The following TBXAS1 variants were observed in gnomAD, a reference collection of about 807,000 sequenced individuals.
TBXAS1 encodes the protein thromboxane-A synthase.
A neutral mutation model predicts 60.7 loss-of-function variants in TBXAS1; 48 were observed. That is an observed-to-expected ratio of 0.79 (90% confidence interval 0.63 to 1.01). The LOEUF (loss-of-function observed/expected upper bound fraction) is 1.01, where lower values mean the gene tolerates loss of function less well. Ranked by LOEUF, TBXAS1 falls within the 50% of genes least tolerant of loss-of-function variation. The probability of loss-of-function intolerance (pLI) is 0.00; values close to 1 mark genes in which losing one functional copy is unlikely to be tolerated. For synonymous variants in TBXAS1, 287 were observed against 269.7 expected (o/e 1.06, Z -0.63); for missense variants, 685 against 686.3 (o/e 1.00, Z 0.02).
At chr7:139,959,280 A>C (rs1364784138) in intron 8 of TBXAS1, among the ~76,000 whole-genome samples, 1 of 152,254 alleles carries the variant, frequency 6.6e-6, no homozygotes, top group Non-Finnish European at 1.5e-5. Context: ...AACTTGCTTT[A>C]AAACCATCTA....
intron 9 of TBXAS1, among the ~76,000 whole-genome samples, chr7:139,965,376 T>C (rs1396732691): frequency 6.6e-6 from 1 of 152,160 alleles, no homozygotes; most frequent in Non-Finnish European, 1.5e-5. Context: ...CTTTCCAGGG[T>C]CCTGACCTCA....
At chr7:139,965,323 T>G (rs914511979) in intron 9 of TBXAS1, among the ~76,000 whole-genome samples, 16 of 151,982 alleles carry the variant, frequency 1.1e-4, no homozygotes, top group Non-Finnish European at 2.1e-4. Flanking sequence ...AATTTTTGAG[T>G]TTAGTGTGCA....
intron 1 of TBXAS1, among the ~76,000 whole-genome samples, chr7:139,848,559 C>G (rs1799983401): frequency 1.3e-5 from 2 of 152,130 alleles, no homozygotes; most frequent in African/African-American, 4.8e-5. Flanking sequence ...CTGTTCCAGT[C>G]TGACAGTGGG....
At chr7:139,831,434 A>G (rs887950407) in intron 1 of TBXAS1, among the ~76,000 whole-genome samples, 1 of 152,224 alleles carries the variant, frequency 6.6e-6, no homozygotes, top group Non-Finnish European at 1.5e-5. Context: ...TTGTCTTGAA[A>G]GGATATGTGT....
At chr7:139,842,506 T>A (rs79093610) in intron 1 of TBXAS1, among the ~76,000 whole-genome samples, 1 of 152,196 alleles carries the variant, frequency 6.6e-6, no homozygotes, top group Non-Finnish European at 1.5e-5. Flanking sequence ...ATGGACTTGT[T>A]TTTTGGTTGC....
chr7:139,829,198 T>A (rs1333642858), upstream of TBXAS1: 1 of 692,182 alleles, frequency 1.4e-6, no homozygotes, highest in African/African-American at 1.8e-5. Context: ...AAACCCTTTG[T>A]TGTGCCCTCC....
chr7:139,901,985 T>C (rs1244093591), intron 3 of TBXAS1, among the ~76,000 whole-genome samples: 1 of 151,992 alleles, frequency 6.6e-6, no homozygotes, highest in Non-Finnish European at 1.5e-5. Flanking sequence ...GAAAAAAATA[T>C]GTATGGGGAA....
chr7:139,826,248 C>A (rs147853162), upstream of TBXAS1, among the ~76,000 whole-genome samples: 206 of 152,138 alleles, frequency 1.4e-3, 2 homozygotes, highest in African/African-American at 4.8e-3. Context: ...GTTAGCCTCT[C>A]AGTACAGATC....
At chr7:139,951,153 G>A (rs1809223402) in intron 5 of TBXAS1, among the ~76,000 whole-genome samples, 1 of 152,090 alleles carries the variant, frequency 6.6e-6, no homozygotes, top group Non-Finnish European at 1.5e-5. Context: ...TCTAATGAAT[G>A]GTCCCTAAAA....
intron 1 of TBXAS1, among the ~76,000 whole-genome samples, chr7:139,855,208 C>A (rs959762906): frequency 6.6e-5 from 10 of 152,120 alleles, no homozygotes; most frequent in African/African-American, 1.9e-4. Context: ...GAAATAAATT[C>A]TTTTTCTTTA....
At chr7:139,872,118 G>A in intron 1 of TBXAS1, 117 bp from the exon 2 acceptor site, 1 of 1,074,860 alleles carries the variant, frequency 9.3e-7, no homozygotes, top group South Asian at 1.3e-5. Context: ...TGTGGTGACT[G>A]GAAACCTATT....
At chr7:139,834,396 C>T (rs188306954) in intron 1 of TBXAS1, among the ~76,000 whole-genome samples, 3 of 152,170 alleles carry the variant, frequency 2.0e-5, no homozygotes, top group African/African-American at 4.8e-5. Flanking sequence ...AAGGTCACAC[C>T]TCAAGGAACT....
chr7:139,784,012 T>G (rs920668726), intron 3 of TBXAS1, among the ~76,000 whole-genome samples: 59 of 31,166 alleles, frequency 1.9e-3, no homozygotes, highest in Non-Finnish European at 2.8e-3. Flanking sequence ...GTTTTTTTTG[T>G]TTTTTTTTTT....
chr7:139,861,155 C>G (rs551834090), intron 1 of TBXAS1, among the ~76,000 whole-genome samples: 1 of 139,120 alleles, frequency 7.2e-6, no homozygotes, highest in African/African-American at 2.7e-5. Context: ...GCCTGGGCAA[C>G]AAGAGTGAAA....
At chr7:139,888,772 G>A (rs1019158905) in intron 3 of TBXAS1, among the ~76,000 whole-genome samples, 6 of 152,158 alleles carry the variant, frequency 3.9e-5, no homozygotes, top group African/African-American at 1.4e-4. Flanking sequence ...CCAAATGTGT[G>A]CTAGGAAAAT....
At chr7:139,865,742 A>T (rs1304386339) in intron 1 of TBXAS1, among the ~76,000 whole-genome samples, 1 of 127,594 alleles carries the variant, frequency 7.8e-6, no homozygotes, top group Admixed American at 7.9e-5. Flanking sequence ...GAGGAGGAGG[A>T]GGAAGAGGAG....
chr7:139,961,703 C>G (rs1361992553), intron 8 of TBXAS1, among the ~76,000 whole-genome samples: 1 of 152,220 alleles, frequency 6.6e-6, no homozygotes, highest in Non-Finnish European at 1.5e-5. Context: ...GGCTGCTCTT[C>G]ACTGCCCCAG....
chr7:139,916,087 T>G lies in TBXAS1; in HGVS notation c.333+4766T>G, dbSNP rs60545689. Among the ~76,000 whole-genome samples the G allele has an allele frequency of 3.0e-3, 455 of 152,316 alleles. 3 individuals carry two copies. The highest frequency in any genetic ancestry group is 0.011 in the African/African-American group (439 of 41,570). On this transcript the variant is annotated intron_variant, in intron 4 of 12. Transcript: ENST00000448866. This position sits in a 1 kb window ranked among gnomAD's most constrained non-coding sequence, Gnocchi z 4.2. ...ACTCGGATGTTTCTATTTAGATATT[T>G]TCAATGAGCTCTTCTTTGCTGTCAG...
At chr7:139,890,307 C>T (rs1173547227) in intron 3 of TBXAS1, among the ~76,000 whole-genome samples, 1 of 140,496 alleles carries the variant, frequency 7.1e-6, no homozygotes, top group Non-Finnish European at 1.5e-5. Flanking sequence ...GCTCCGCCTT[C>T]CGGGTTCACA....
Sources: gnomAD v4.1 joint callset for allele counts (sites outside exome capture counted in the v4.1 genomes callset) on GRCh38, gnomAD v4.1.1 for gene constraint, Gnocchi (gnomAD v3.1) non-coding constraint, MANE v1.5 for transcripts, NCBI Gene and HGNC (gene_info 2026-07-23, HGNC 2026-07-21) for gene names.